Variants in PCM1 observed in about 807,000 individuals in gnomAD.
PCM1 encodes pericentriolar material 1 protein.
A neutral mutation model predicts 241.9 loss-of-function variants in PCM1; 157 were observed. The observed-to-expected ratio is 0.65, with a 90% CI of 0.57 to 0.74. The LOEUF is 0.74. Ranked by LOEUF, PCM1 falls within the 30% of genes least tolerant of loss-of-function variation. PCM1 has a pLI of 0.00. For missense variants in PCM1, 3,478 were observed against 2,360.1 expected, an observed-to-expected ratio of 1.47 and a Z score of -9.81; for synonymous variants, 1,085 against 784.9, an observed-to-expected ratio of 1.38 and a Z score of -6.39.
At chr8:18,002,053 ATTTT>A (rs777500160) in intron 29 of PCM1, among the ~76,000 whole-genome samples, 2 of 9,994 alleles carry the variant, frequency 2.0e-4, no homozygotes, top group East Asian at 1.1e-3. Context: ...GATCTGTTAA[ATTTT>A]TTTTTTCTTT....
intron 1 of PCM1, among the ~76,000 whole-genome samples, chr8:17,923,789 T>C (rs1453294270): frequency 6.6e-6 from 1 of 151,850 alleles, no homozygotes; most frequent in Non-Finnish European, 1.5e-5. Flanking sequence ...ATGGAGTAAT[T>C]ATTGCCCCTT....
chr8:17,966,348 A>G lies in PCM1; in HGVS notation c.3096A>G (p.Gln1032=), dbSNP rs201657807. 1.9e-5 allele frequency: 31 copies of G among 1,613,890 alleles called. No individual in the cohort carries two copies. In the African/African-American group the frequency reaches 2.7e-4, roughly 14 times the overall value. ...AATAGACTCTATCTTGTCTGCTACA[A>G]ACTCTTCTCACGGGTCCTTACAGTG... ...QDQQTLSCLL[Q]TLLTGPYSVM... is the part of the protein sequence containing the mutation. Residue 1032 remains glutamine, a synonymous_variant, in exon 20 of 39, where the codon CAA becomes CAG. Transcript: ENST00000325083.
At chr8:18,019,228 T>C (rs1044280539) in intron 36 of PCM1, among the ~76,000 whole-genome samples, 1 of 152,100 alleles carries the variant, frequency 6.6e-6, no homozygotes, top group African/African-American at 2.4e-5. Context: ...TACAATTCCA[T>C]AGAAATTGTA....
chr8:17,990,105 A>C (rs1259642005), intron 27 of PCM1, 126 bp downstream of exon 27: 19 of 658,830 alleles, frequency 2.9e-5, no homozygotes, highest in Non-Finnish European at 4.2e-5. Context: ...ATGTGGACTT[A>C]ATTATCTATC....
At position 17,993,563 on chromosome 8, in the gene PCM1, C is replaced by T. The variant is rs1423771093; in HGVS notation, c.4771C>T (p.Gln1591Ter). The T allele has an allele frequency of 1.3e-6, 2 of 1,597,740 alleles. No individual in the cohort carries two copies. The highest frequency in any genetic ancestry group is 1.3e-5 in the African/African-American group (1 of 74,778). ...STIPCPRIDT[Q>*]QLDRQIKAIM... Reference sequence around the variant, plus strand: ...CATCCCATGTCCTAGAATTGATACTCAGCAGCTGGACCGGCAAATTAAAGC... The same window carrying T: ...CATCCCATGTCCTAGAATTGATACTTAGCAGCTGGACCGGCAAATTAAAGC... The change falls in exon 29 of 39, where the codon CAG becomes TAG. Residue 1591 changes from glutamine (Q) to a stop codon, truncating the protein, a stop_gained. Transcript: ENST00000325083. LOFTEE classifies it high-confidence loss of function.
At chr8:17,939,161 T>G in intron 5 of PCM1, 152 bp downstream of exon 5, 1 of 671,936 alleles carries the variant, frequency 1.5e-6, no homozygotes, top group Non-Finnish European at 2.5e-6. Context: ...CAGATTTACT[T>G]AAAATAGAGT....
intron 29 of PCM1, among the ~76,000 whole-genome samples, chr8:17,997,571 T>C (rs2087356926): frequency 6.6e-6 from 1 of 152,204 alleles, no homozygotes; most frequent in Non-Finnish European, 1.5e-5. Flanking sequence ...TTGTGTGTTT[T>C]CAAAGAGCCT....
intron 2 of PCM1, among the ~76,000 whole-genome samples, chr8:17,930,304 C>T (rs557886041): frequency 4.6e-5 from 7 of 151,644 alleles, no homozygotes; most frequent in East Asian, 4.0e-4. Context: ...AGGGTTTCAC[C>T]GTGTTAGCCA....
chr8:17,993,886 C>T (rs1417272813), intron 29 of PCM1, among the ~76,000 whole-genome samples: 2 of 151,826 alleles, frequency 1.3e-5, no homozygotes, highest in South Asian at 2.1e-4. Context: ...GATTTATCAC[C>T]TTTATTTTTA....
intron 15 of PCM1, 125 bp downstream of exon 15, chr8:17,960,569 G>T: frequency 1.7e-6 from 1 of 601,806 alleles, no homozygotes; most frequent in South Asian, 2.2e-5. Flanking sequence ...CTGTTGCCCA[G>T]GCTGAAGTGC....
rs1168880402 is a variant in PCM1 at position 18,028,621 on chromosome 8, T to C, written c.*959T>C. 4.8e-6 allele frequency: 1 copy of C among 206,936 alleles called. No homozygotes were observed. The highest frequency in any genetic ancestry group is 7.3e-5 in the East Asian group (1 of 13,754). 12.8% of individuals were successfully genotyped at this position (206,936 alleles called of 1,614,324 possible). ...TTGAAGCAGATTTGCAGGTGAAGTATTGAAAGTTTATGTGACTTTAAGTCA... is the reference window on the plus strand; with the variant it reads ...TTGAAGCAGATTTGCAGGTGAAGTACTGAAAGTTTATGTGACTTTAAGTCA... On this transcript the variant is annotated 3_prime_UTR_variant, in exon 39 of 39. Coordinates refer to ENST00000325083, the MANE Select transcript of PCM1 (RefSeq NM_006197.4).
intron 17 of PCM1, among the ~76,000 whole-genome samples, chr8:17,964,153 T>C (rs529139131): frequency 5.3e-5 from 8 of 152,206 alleles, no homozygotes; most frequent in Non-Finnish European, 1.2e-4. Context: ...ATTTTCTCAG[T>C]CATATTAGCT....
At chr8:18,019,382 G>C (rs932769568) in intron 36 of PCM1, among the ~76,000 whole-genome samples, 2 of 152,126 alleles carry the variant, frequency 1.3e-5, no homozygotes. Context: ...ATTTTTCCAT[G>C]GACTGGGGTA....
rs370280123 is a variant in PCM1, at chr8:17,957,597, A to G, written c.1862A>G (p.Asp621Gly). The change falls in exon 13 of 39, where the codon GAT (aspartate) becomes GGT (glycine). Residue 621 changes from aspartate to glycine, a missense_variant. Physicochemically the swap from Asp to Gly is moderately conservative, Grantham distance 94 (BLOSUM62 -1). Coordinates refer to ENST00000325083, the MANE Select transcript of PCM1 (RefSeq NM_006197.4). Reference sequence around the variant, plus strand: ...ATTCATGTTGCACAAGGTGAAGATGATGAGGAGGAGGAGGAAGAAGCAGAA... The same window carrying G: ...ATTCATGTTGCACAAGGTGAAGATGGTGAGGAGGAGGAGGAAGAAGCAGAA... ...QEIHVAQGED[D>G]EEEEEEAEEE... is the part of the protein sequence containing the mutation. 1 of 1,573,806 alleles carries G rather than the reference A, an allele frequency of 6.4e-7. No homozygotes were observed.
chr8:17,990,579 C>T (rs796792157), intron 27 of PCM1, among the ~76,000 whole-genome samples: 2 of 150,762 alleles, frequency 1.3e-5, no homozygotes, highest in African/African-American at 4.9e-5. Flanking sequence ...GAGTCCTAGA[C>T]TTGGAAAGGA....
intron 29 of PCM1, among the ~76,000 whole-genome samples, chr8:17,997,492 A>C (rs187130235): frequency 2.0e-5 from 3 of 151,942 alleles, no homozygotes; most frequent in Admixed American, 6.6e-5. Flanking sequence ...TGTCCTGTTG[A>C]GGTTATTTTG....
intron 36 of PCM1, among the ~76,000 whole-genome samples, chr8:18,016,049 C>T (rs200957959): frequency 2.0e-5 from 3 of 152,238 alleles, no homozygotes; most frequent in Admixed American, 1.3e-4. Flanking sequence ...TCACCACACC[C>T]GGCTAATTTT....
At chr8:17,932,228 A>G (rs2059246135) in intron 2 of PCM1, among the ~76,000 whole-genome samples, 1 of 152,186 alleles carries the variant, frequency 6.6e-6, no homozygotes. Context: ...TATCACAATT[A>G]TAGCGTAATA....
intron 32 of PCM1, 139 bp downstream of exon 32, chr8:18,010,807 C>T (rs772777218): frequency 1.4e-5 from 8 of 586,460 alleles, no homozygotes; most frequent in African/African-American, 1.4e-4. Context: ...ATGGTGAAAC[C>T]CCGTCCATAC....
Sources: allele counts gnomAD v4.1 joint callset (sites outside exome capture counted in the v4.1 genomes callset), GRCh38; gene constraint gnomAD v4.1.1; transcripts MANE v1.5; gene names NCBI Gene and HGNC (gene_info 2026-07-23, HGNC 2026-07-21).